Variants in DGKI observed in about 807,000 individuals in gnomAD.
The protein encoded by DGKI is DAG kinase iota.
Under a neutral mutation model 147.5 loss-of-function variants are expected in DGKI, and 55 were observed. That is an observed-to-expected ratio of 0.37 (90% CI 0.30 to 0.47). The LOEUF is 0.47. DGKI is among the 20% of genes least tolerant of loss of function. The pLI is 1.00. For missense variants in DGKI, 1,007 were observed against 1,323.8 expected, an observed-to-expected ratio of 0.76 and a Z score of 3.71; for synonymous variants, 469 against 477.1, an observed-to-expected ratio of 0.98 and a Z score of 0.22.
At chr7:137,574,706 A>G (rs1450901794) in intron 17 of DGKI, among the ~76,000 whole-genome samples, 1 of 152,152 alleles carries the variant, frequency 6.6e-6, no homozygotes, top group Non-Finnish European at 1.5e-5. Context: ...AACTTCAAAT[A>G]CACACAAAGG....
Position 137,709,567 on chromosome 7 carries a change from G to GA in DGKI, c.402-19566dup, listed in dbSNP as rs986416538. On this transcript the variant is annotated intron_variant, in intron 1 of 32. Coordinates refer to ENST00000614521, the MANE Select transcript of DGKI (RefSeq NM_001321708.2). ...CCTTCGTTCTCTAGGTTATCCAACA[G>GA]ACTGCAATCCAAATACTTAGTATAA... 3.9e-5 allele frequency among the ~76,000 whole-genome samples: 6 copies of GA among 152,282 alleles called. No individual in the cohort carries two copies. In the South Asian group the frequency reaches 1.2e-3, roughly 32 times the overall value.
At chr7:137,668,451 G>C (rs561596642) in intron 3 of DGKI, among the ~76,000 whole-genome samples, 2 of 152,278 alleles carry the variant, frequency 1.3e-5, no homozygotes, top group Non-Finnish European at 2.9e-5. Context: ...ATACTTAAAT[G>C]GCAGGGTTGA....
chr7:137,745,690 T>C (rs937941373), intron 1 of DGKI, among the ~76,000 whole-genome samples: 3 of 151,972 alleles, frequency 2.0e-5, no homozygotes, highest in Non-Finnish European at 2.9e-5. Flanking sequence ...AATGCAAGAG[T>C]AGTGATGGTG....
Position 137,846,340 on chromosome 7 carries a change from G to C in DGKI, c.401+122C>G. 1 of 557,568 alleles carries C rather than the reference G, an allele frequency of 1.8e-6. No homozygotes were observed. The highest frequency in any genetic ancestry group is 3.0e-6 in the Non-Finnish European group (1 of 330,984). The allele number at this position is 557,568 out of a possible 1,614,324, so 34.5% of individuals were successfully genotyped here. On this transcript the variant is annotated intron_variant, in intron 1 of 32. Transcript: ENST00000614521. The surrounding 1 kb of genome is among the most constrained non-coding windows in gnomAD (Gnocchi z 4.0). ...ACATCCCCGGGAGGAGAGGGGGAAA[G>C]GGGGAAGGAGAGGCGTGGAAACAGA... is the stretch of plus-strand genomic sequence containing the variant.
intron 8 of DGKI, among the ~76,000 whole-genome samples, chr7:137,616,605 GT>G (rs67886937): frequency 0.026 from 4,000 of 152,182 alleles, 164 homozygotes; most frequent in African/African-American, 0.088. Context: ...CATAACAAAT[GT>G]GAAGACAGAC....
chr7:137,457,923 C>T (rs1368660130), intron 27 of DGKI, among the ~76,000 whole-genome samples: 2 of 149,116 alleles, frequency 1.3e-5, no homozygotes, highest in Non-Finnish European at 3.0e-5. Context: ...AAAGTTAAAT[C>T]TAAAAAAAAA....
intron 17 of DGKI, among the ~76,000 whole-genome samples, chr7:137,574,985 C>T (rs1238340663): frequency 6.6e-6 from 1 of 152,178 alleles, no homozygotes; most frequent in Non-Finnish European, 1.5e-5. Flanking sequence ...AACCTTCCAT[C>T]CTTTTCATCT....
intron 21 of DGKI, among the ~76,000 whole-genome samples, chr7:137,502,345 C>T (rs374151038): frequency 6.7e-6 from 1 of 148,562 alleles, no homozygotes; most frequent in African/African-American, 2.6e-5. Flanking sequence ...ATGATCAAAT[C>T]CATGTGATAT....
At chr7:137,577,598 C>T (rs1476368389) in intron 16 of DGKI, among the ~76,000 whole-genome samples, 1 of 152,210 alleles carries the variant, frequency 6.6e-6, no homozygotes, top group African/African-American at 2.4e-5. Flanking sequence ...CCATTAAGTG[C>T]TGATACAGTC....
rs1436902478 is a variant in DGKI, at chr7:137,678,474, C to T, written c.606+83G>A. ...CACAAGGACAGGCTCGTTCAAACCT[C>T]CCCTTGGAAATTTAGGCAAGGTGAC... On this transcript the variant is annotated intron_variant, in intron 3 of 32. Transcript: ENST00000614521. 6.7e-6 allele frequency: 9 copies of T among 1,347,206 alleles called. No individual in the cohort carries two copies. The African/African-American group carries it at 1.2e-4, about 17-fold the overall frequency. The allele number at this position is 1,347,206 out of a possible 1,614,324, so 83.5% of individuals were successfully genotyped here. A position where few individuals can be genotyped will look rare whatever the true frequency, so the allele number is the denominator to read the frequency against.
intron 3 of DGKI, among the ~76,000 whole-genome samples, chr7:137,663,734 G>A (rs3778791): frequency 6.6e-6 from 1 of 152,120 alleles, no homozygotes; most frequent in South Asian, 2.1e-4. Flanking sequence ...ACAGAACTAC[G>A]CCCCAGAAGC....
intron 30 of DGKI, among the ~76,000 whole-genome samples, chr7:137,401,234 G>C (rs1376609): frequency 2.0e-5 from 3 of 151,732 alleles, no homozygotes; most frequent in African/African-American, 7.3e-5. Flanking sequence ...AAACAAGAGA[G>C]AAAAAAATAA....
At chr7:137,683,635 T>G (rs979348977) in intron 2 of DGKI, among the ~76,000 whole-genome samples, 3 of 152,202 alleles carry the variant, frequency 2.0e-5, no homozygotes, top group Non-Finnish European at 4.4e-5. Context: ...TCTTTCTCTC[T>G]TCTCTACACA....
intron 3 of DGKI, among the ~76,000 whole-genome samples, chr7:137,674,767 G>A (rs545429123): frequency 2.6e-5 from 4 of 152,104 alleles, no homozygotes; most frequent in African/African-American, 9.7e-5. Context: ...AATCACTTAT[G>A]TAAATCTTAC....
intron 1 of DGKI, among the ~76,000 whole-genome samples, chr7:137,814,959 A>G (rs151101753): frequency 2.0e-4 from 30 of 152,312 alleles, no homozygotes; most frequent in African/African-American, 7.2e-4. Flanking sequence ...AGTTTGGATA[A>G]TGAAAGATTA....
rs535271431 is a variant in DGKI at position 137,542,957 on chromosome 7, CAAT to C, written c.2147+9409_2147+9411del. On this transcript the variant is annotated intron_variant, in intron 20 of 32. Coordinates refer to ENST00000614521, the MANE Select transcript of DGKI (RefSeq NM_001321708.2). ...GCATTGAGTAACTGAAGTAAACACT[CAAT>C]AATGTTTGTTTAAAGATGAAAGCAA... Among the ~76,000 whole-genome samples, 69 of 152,100 alleles carry C rather than the reference CAAT, an allele frequency of 4.5e-4. 2 individuals carry two copies. The South Asian group carries it at 5.0e-3, about 11-fold the overall frequency.
chr7:137,578,437 C>T (rs539452516), intron 15 of DGKI, 112 bp from the exon 16 acceptor site: 78 of 747,122 alleles, frequency 1.0e-4, no homozygotes, highest in South Asian at 1.0e-3. Context: ...TCCAATAGAT[C>T]CCATGGTTTG....
At chr7:137,472,014 TATAC>T (rs1339759616) in intron 23 of DGKI, among the ~76,000 whole-genome samples, 2 of 135,636 alleles carry the variant, frequency 1.5e-5, no homozygotes, top group African/African-American at 5.5e-5. Flanking sequence ...TACAGACATA[TATAC>T]ATATATATTA....
chr7:137,534,143 T>C (rs1236288909), intron 20 of DGKI, among the ~76,000 whole-genome samples: 1 of 152,048 alleles, frequency 6.6e-6, no homozygotes, highest in Non-Finnish European at 1.5e-5. Flanking sequence ...TCCAAAATAA[T>C]TGGATTATTT....
Sources: allele counts gnomAD v4.1 joint callset (sites outside exome capture counted in the v4.1 genomes callset), GRCh38; gene constraint gnomAD v4.1.1; non-coding constraint Gnocchi (gnomAD v3.1); transcripts MANE v1.5; gene names NCBI Gene and HGNC (gene_info 2026-07-23, HGNC 2026-07-21).